PRR5L: variants seen among roughly 807,000 people sequenced by gnomAD.
PRR5L encodes the protein proline-rich protein 5-like.
A neutral mutation model predicts 36.4 loss-of-function variants in PRR5L; 21 were observed. That is an observed-to-expected ratio of 0.58 (90% CI 0.41 to 0.83). The LOEUF (loss-of-function observed/expected upper bound fraction) is 0.83. Among genes scored for constraint, PRR5L ranks in the 40% least tolerant of loss-of-function variants. The pLI is 0.00. For missense variants in PRR5L, 381 were observed against 473.3 expected, an observed-to-expected ratio of 0.80 and a Z score of 1.81; for synonymous variants, 188 against 197.0, an observed-to-expected ratio of 0.95 and a Z score of 0.38.
intron 1 of PRR5L, among the ~76,000 whole-genome samples, chr11:36,395,292 A>G (rs1326169114): frequency 4.6e-5 from 7 of 152,370 alleles, no homozygotes; most frequent in Admixed American, 3.9e-4. Flanking sequence ...ATATGTAGTG[A>G]TATGGGAAGA....
chr11:36,429,777 C>A (rs1858455793), intron 4 of PRR5L, among the ~76,000 whole-genome samples: 1 of 152,192 alleles, frequency 6.6e-6, no homozygotes, highest in Non-Finnish European at 1.5e-5. Context: ...GTGGAGACTG[C>A]AGGGCACAAA....
chr11:36,381,782 A>G (rs929459858), intron 1 of PRR5L: 1 of 152,084 alleles, frequency 6.6e-6, no homozygotes, highest in Non-Finnish European at 1.5e-5. Flanking sequence ...TTGGGTAAAC[A>G]TGGTACTCTT....
intron 1 of PRR5L, among the ~76,000 whole-genome samples, chr11:36,325,311 A>G (rs563775508): frequency 1.1e-4 from 17 of 152,364 alleles, no homozygotes; most frequent in African/African-American, 3.8e-4. Flanking sequence ...AGCACAGCAG[A>G]CACCCTGCTG....
chr11:36,326,504 T>C (rs58248666), intron 1 of PRR5L, among the ~76,000 whole-genome samples: 17,289 of 149,626 alleles, frequency 0.12, 1,003 homozygotes, highest in Non-Finnish European at 0.13. Flanking sequence ...AAATTACATT[T>C]GATTGATCTA....
chr11:36,454,349 C>T (rs1859004916), intron 8 of PRR5L, among the ~76,000 whole-genome samples: 3 of 152,250 alleles, frequency 2.0e-5, no homozygotes, highest in South Asian at 4.1e-4. Context: ...ACTGAGGACA[C>T]TGCTTTCCAG....
intron 1 of PRR5L, among the ~76,000 whole-genome samples, chr11:36,375,825 G>C (rs1345748091): frequency 6.6e-6 from 1 of 152,212 alleles, no homozygotes; most frequent in Non-Finnish European, 1.5e-5. Context: ...ATGAGTTTGG[G>C]AGCTTTAAAA....
chr11:36,378,723 A>G (rs539924561), intron 1 of PRR5L, among the ~76,000 whole-genome samples: 24 of 152,306 alleles, frequency 1.6e-4, no homozygotes, highest in African/African-American at 5.5e-4. Flanking sequence ...AAAGGTGCAA[A>G]TGCCTCTTGA....
At chr11:36,349,491 G>T (rs1224533795) in intron 1 of PRR5L, among the ~76,000 whole-genome samples, 2 of 152,102 alleles carry the variant, frequency 1.3e-5, no homozygotes, top group African/African-American at 4.8e-5. Context: ...GTTTCCTGCA[G>T]GGAAGTCCTG....
intron 1 of PRR5L, among the ~76,000 whole-genome samples, chr11:36,398,164 TG>T (rs1286436737): frequency 6.6e-6 from 1 of 152,148 alleles, no homozygotes; most frequent in Non-Finnish European, 1.5e-5. Flanking sequence ...AGGTGGGAGC[TG>T]GGGAACATGC....
intron 1 of PRR5L, among the ~76,000 whole-genome samples, chr11:36,396,752 A>G (rs940264244): frequency 6.6e-6 from 1 of 152,200 alleles, no homozygotes; most frequent in Non-Finnish European, 1.5e-5. Flanking sequence ...AAGGTCACAC[A>G]GCTCATAGGG....
intron 4 of PRR5L, among the ~76,000 whole-genome samples, chr11:36,420,416 A>C (rs570520878): frequency 1.3e-5 from 2 of 152,362 alleles, no homozygotes; most frequent in East Asian, 3.9e-4. Context: ...CTTACTAGCT[A>C]TGTGACCTTG....
At chr11:36,299,948 A>G (rs557483046) in intron 1 of PRR5L, among the ~76,000 whole-genome samples, 1 of 152,334 alleles carries the variant, frequency 6.6e-6, no homozygotes, top group African/African-American at 2.4e-5. Context: ...GGCTGGCAAC[A>G]GGAGTGACAG....
At chr11:36,459,941 T>C (rs1859143633) in intron 8 of PRR5L, among the ~76,000 whole-genome samples, 1 of 152,164 alleles carries the variant, frequency 6.6e-6, no homozygotes, top group Non-Finnish European at 1.5e-5. Context: ...TTTCTTCTTG[T>C]CGTAAAATGC....
At chr11:36,405,726 A>C (rs1325367000) in intron 3 of PRR5L, among the ~76,000 whole-genome samples, 3 of 152,160 alleles carry the variant, frequency 2.0e-5, no homozygotes, top group African/African-American at 7.2e-5. Flanking sequence ...AACAACAAAA[A>C]TTTATTTCTC....
At chr11:36,441,971 A>T (rs1218814607) in intron 6 of PRR5L, among the ~76,000 whole-genome samples, 2 of 152,118 alleles carry the variant, frequency 1.3e-5, no homozygotes, top group Non-Finnish European at 2.9e-5. Flanking sequence ...AGCACTAGGC[A>T]TCCCCTGAGC....
chr11:36,352,492 G>C (rs1856985771), intron 1 of PRR5L, among the ~76,000 whole-genome samples: 1 of 152,098 alleles, frequency 6.6e-6, no homozygotes, highest in African/African-American at 2.4e-5. Flanking sequence ...TTTAGATCTA[G>C]ATAGGGCTCA....
intron 1 of PRR5L, among the ~76,000 whole-genome samples, chr11:36,326,288 G>T (rs1856661063): frequency 7.3e-6 from 1 of 136,388 alleles, no homozygotes; most frequent in Non-Finnish European, 1.6e-5. Flanking sequence ...ACTTTAGTGT[G>T]TCTCCCCAAT....
intron 8 of PRR5L, among the ~76,000 whole-genome samples, chr11:36,452,242 C>T (rs1048352918): frequency 1.3e-5 from 2 of 152,136 alleles, no homozygotes; most frequent in African/African-American, 4.8e-5. Flanking sequence ...GAGCCAGCAC[C>T]CATGGAGAGA....
At chr11:36,334,712 G>C (rs932077111) in intron 1 of PRR5L, among the ~76,000 whole-genome samples, 45 of 152,226 alleles carry the variant, frequency 3.0e-4, no homozygotes, top group African/African-American at 1.0e-3. Flanking sequence ...TATTTGTGTG[G>C]TAATTTGATT....
Sources: gnomAD v4.1 joint callset for allele counts (sites outside exome capture counted in the v4.1 genomes callset) on GRCh38, gnomAD v4.1.1 for gene constraint, MANE v1.5 for transcripts, NCBI Gene and HGNC (gene_info 2026-07-23, HGNC 2026-07-21) for gene names.